Variants in SLC15A1 observed in about 807,000 individuals in gnomAD.
SLC15A1 encodes the protein solute carrier family 15 member 1.
A neutral mutation model predicts 92.9 loss-of-function variants in SLC15A1; 83 were observed. The observed-to-expected ratio is 0.89, with a 90% CI of 0.75 to 1.07. The LOEUF (loss-of-function observed/expected upper bound fraction) is 1.07. SLC15A1 is among the 50% of genes least tolerant of loss of function. The pLI, the probability that SLC15A1 is intolerant of heterozygous loss-of-function variation, is 0.00. For missense variants in SLC15A1, 857 were observed against 880.1 expected, an observed-to-expected ratio of 0.97 and a Z score of 0.33; for synonymous variants, 322 against 318.2, an observed-to-expected ratio of 1.01 and a Z score of -0.13.
chr13:98,700,484 C>CAAAAA (rs56342746), intron 18 of SLC15A1, among the ~76,000 whole-genome samples: 5,022 of 50,802 alleles, frequency 0.099, 745 homozygotes, highest in Admixed American at 0.16. Context: ...GACCCTGTCT[C>CAAAAA]AAAAAAAAAA....
At chr13:98,734,440 G>C (rs527800045) in intron 1 of SLC15A1, among the ~76,000 whole-genome samples, 1 of 152,128 alleles carries the variant, frequency 6.6e-6, no homozygotes, top group Non-Finnish European at 1.5e-5. Flanking sequence ...TTGGACAGTG[G>C]GTGCAGCCAC....
rs1231548943 is a variant in SLC15A1 at position 98,686,184 on chromosome 13, C to T, written c.1935+6G>A. On this transcript the variant is annotated splice_donor_region_variant and intron_variant, in intron 22 of 22. Coordinates refer to ENST00000376503, the MANE Select transcript of SLC15A1 (RefSeq NM_005073.4). ...GGTATGTGCAATCTCCTCTCCCACG[C>T]CATACCTGTTTGCTGAACTGGCCTG... The T allele has an allele frequency of 6.2e-7, 1 of 1,605,242 alleles. No individual in the cohort carries two copies.
At chr13:98,713,197 C>T (rs988842044) in intron 9 of SLC15A1, among the ~76,000 whole-genome samples, 1 of 152,082 alleles carries the variant, frequency 6.6e-6, no homozygotes, top group Non-Finnish European at 1.5e-5. Flanking sequence ...GCTGGGACCA[C>T]GGGTATGTAC....
chr13:98,689,862 G>A (rs931101538), intron 18 of SLC15A1, among the ~76,000 whole-genome samples: 4 of 152,158 alleles, frequency 2.6e-5, no homozygotes, highest in African/African-American at 9.7e-5. Context: ...CAATAAGACC[G>A]ACTTCCAGGT....
At position 98,711,844 on chromosome 13, in the gene SLC15A1, T is replaced by C; in HGVS notation, c.900+10A>G. On this transcript the variant is annotated intron_variant, in intron 11 of 22. Coordinates refer to ENST00000376503, the MANE Select transcript of SLC15A1 (RefSeq NM_005073.4). ...CCGTGAAGAAGAGCACAAGCAGAGT[T>C]TCACATTACCTGCTGGTCAAACAAG... is the stretch of plus-strand genomic sequence containing the variant. 1 of 1,606,228 alleles carries C rather than the reference T, an allele frequency of 6.2e-7. No homozygotes were observed. Among genetic ancestry groups the C allele is most frequent in the Middle Eastern group, 1.7e-4 (1 of 6,040 alleles).
At chr13:98,738,287 C>G (rs975357720) in intron 1 of SLC15A1, among the ~76,000 whole-genome samples, 44 of 152,254 alleles carry the variant, frequency 2.9e-4, no homozygotes, top group Non-Finnish European at 5.3e-4. Flanking sequence ...GGAATTCAAG[C>G]AGGCTGTGGA....
intron 9 of SLC15A1, among the ~76,000 whole-genome samples, chr13:98,713,052 A>G (rs2088178660): frequency 6.6e-6 from 1 of 152,006 alleles, no homozygotes; most frequent in African/African-American, 2.4e-5. Flanking sequence ...ACATAATCTC[A>G]GTTTATTTGT....
Position 98,715,975 on chromosome 13 carries a change from A to C in SLC15A1, c.641-15T>G. The C allele has an allele frequency of 6.2e-7, 1 of 1,611,716 alleles. No individual in the cohort carries two copies. The highest frequency in any genetic ancestry group is 1.3e-5 in the African/African-American group (1 of 75,008). On this transcript the variant is annotated splice_polypyrimidine_tract_variant and intron_variant, in intron 8 of 22. Transcript: ENST00000376503. ...GACAAACACAACTAGATAGGGCAGA[A>C]GAAGACATGTCAGCAAAGCATGTGA...
chr13:98,688,689 T>A (rs1444436384), intron 18 of SLC15A1, 112 bp from the exon 19 acceptor site: 2 of 751,344 alleles, frequency 2.7e-6, no homozygotes, highest in African/African-American at 1.8e-5. Flanking sequence ...GAGTTTAAGA[T>A]GTTTTCAGAA....
Position 98,734,119 on chromosome 13 carries a change from C to T in SLC15A1, c.5-7260G>A, listed in dbSNP as rs1379828939. Among the ~76,000 whole-genome samples, 4 of 152,108 alleles carry T rather than the reference C, an allele frequency of 2.6e-5. No individual in the cohort carries two copies. The East Asian group carries it at 7.7e-4, about 29-fold the overall frequency. ...TAGCTGGGATTACAGGTGTGTGCCA[C>T]CATGCCTGGCTAATTTTTGTATTTT... On this transcript the variant is annotated intron_variant, in intron 1 of 22. Transcript: ENST00000376503.
intron 1 of SLC15A1, among the ~76,000 whole-genome samples, chr13:98,741,360 C>T (rs1809928844): frequency 6.6e-6 from 1 of 152,182 alleles, no homozygotes; most frequent in South Asian, 2.1e-4. Context: ...CACCTGTAAT[C>T]CCAGCATTTT....
At chr13:98,703,632 C>T (rs566270189) in intron 17 of SLC15A1, among the ~76,000 whole-genome samples, 47 of 139,960 alleles carry the variant, frequency 3.4e-4, no homozygotes, top group African/African-American at 1.0e-3. Context: ...ACATGGCTCA[C>T]TGCAGCCTCT....
chr13:98,737,289 A>G (rs1350016609), intron 1 of SLC15A1, among the ~76,000 whole-genome samples: 4 of 152,198 alleles, frequency 2.6e-5, no homozygotes, highest in Non-Finnish European at 5.9e-5. Context: ...TGGGAATTGA[A>G]CAATGAGAAC....
intron 1 of SLC15A1, among the ~76,000 whole-genome samples, chr13:98,748,541 T>C (rs2088514715): frequency 1.3e-5 from 2 of 152,178 alleles, no homozygotes; most frequent in African/African-American, 4.8e-5. Context: ...ATGATCCGCC[T>C]GTCTCAGCCT....
At chr13:98,724,539 CA>C (rs2088283673) in intron 4 of SLC15A1, among the ~76,000 whole-genome samples, 2 of 152,276 alleles carry the variant, frequency 1.3e-5, no homozygotes, top group Admixed American at 1.3e-4. Context: ...GCCAGAGGGC[CA>C]GGAGAGGGGA....
intron 18 of SLC15A1, among the ~76,000 whole-genome samples, chr13:98,702,102 C>T (rs567882067): frequency 1.3e-5 from 2 of 152,298 alleles, no homozygotes; most frequent in South Asian, 4.1e-4. Flanking sequence ...TACCTTGTTC[C>T]TGATCTTAGT....
chr13:98,686,415 A>G (rs1287591809), intron 21 of SLC15A1, 118 bp from the exon 22 acceptor site: 2 of 689,862 alleles, frequency 2.9e-6, no homozygotes, highest in Non-Finnish European at 5.2e-6. Flanking sequence ...ACGAAAAGTC[A>G]GGTGGCCTCA....
In SLC15A1 at chr13:98,726,826, G is replaced by C. The variant is rs1266083751; in HGVS notation, c.21+17C>G. 6.2e-7 allele frequency: 1 copy of C among 1,611,282 alleles called. No individual in the cohort carries two copies. Among genetic ancestry groups the C allele is most frequent in the Admixed American group, 1.7e-5 (1 of 59,964 alleles). ...TTACAAGATGAAGATATGTAGAGAA[G>C]GAAAAAGGGTACTCACGTGTGATTT... On this transcript the variant is annotated intron_variant, in intron 2 of 22. Coordinates refer to ENST00000376503, the MANE Select transcript of SLC15A1 (RefSeq NM_005073.4).
chr13:98,749,815 TA>T (rs34165009), intron 1 of SLC15A1, among the ~76,000 whole-genome samples: 1 of 152,232 alleles, frequency 6.6e-6, no homozygotes, highest in Non-Finnish European at 1.5e-5. Flanking sequence ...TAAGTGATTG[TA>T]AAAAGTTTTT....
Sources: allele counts gnomAD v4.1 joint callset (sites outside exome capture counted in the v4.1 genomes callset), GRCh38; gene constraint gnomAD v4.1.1; transcripts MANE v1.5; gene names NCBI Gene and HGNC (gene_info 2026-07-23, HGNC 2026-07-21).